The following NAALADL2 variants were observed in gnomAD, a reference collection of about 807,000 sequenced individuals.
The protein encoded by NAALADL2 is N-acetylated alpha-linked acidic dipeptidase like 2, also known as inactive N-acetylated-alpha-linked acidic dipeptidase-like protein 2.
In NAALADL2, 76 loss-of-function variants were observed where a neutral mutation model predicts 87.2. That is an observed-to-expected ratio of 0.87 (90% CI 0.72 to 1.05). The LOEUF (loss-of-function observed/expected upper bound fraction) is 1.05. Among genes scored for constraint, NAALADL2 ranks in the 50% least tolerant of loss-of-function variants. The pLI is 0.00. For synonymous variants in NAALADL2, 354 were observed against 331.0 expected (o/e 1.07, Z -0.75); for missense variants, 1,089 against 945.8 (o/e 1.15, Z -1.99).
intron 1 of NAALADL2, among the ~76,000 whole-genome samples, chr3:175,073,867 C>G (rs965293354): frequency 3.3e-5 from 5 of 152,070 alleles, no homozygotes; most frequent in African/African-American, 1.2e-4. Context: ...AAGAAAACCT[C>G]AGTTAGGACT....
At chr3:174,794,650 G>A (rs144350938) in intron 3 of NAALADL2, among the ~76,000 whole-genome samples, 1 of 152,090 alleles carries the variant, frequency 6.6e-6, no homozygotes, top group African/African-American at 2.4e-5. Context: ...TTCCCATGTG[G>A]AGCATACTAT....
intron 4 of NAALADL2, among the ~76,000 whole-genome samples, chr3:175,296,437 G>T (rs562069059): frequency 6.6e-6 from 1 of 152,184 alleles, no homozygotes; most frequent in African/African-American, 2.4e-5. Flanking sequence ...CAAATAAGAT[G>T]ATCTTAGGCA....
At chr3:174,560,698 CTT>C (rs1369392457) in intron 2 of NAALADL2, among the ~76,000 whole-genome samples, 1 of 152,008 alleles carries the variant, frequency 6.6e-6, no homozygotes, top group Non-Finnish European at 1.5e-5. Context: ...CTGTTAGAGA[CTT>C]TATTTATTTC....
At chr3:175,141,524 G>A (rs1729991216) in intron 2 of NAALADL2, among the ~76,000 whole-genome samples, 1 of 152,074 alleles carries the variant, frequency 6.6e-6, no homozygotes, top group Non-Finnish European at 1.5e-5. Flanking sequence ...GGCATCAGTA[G>A]CAAAGCTTGA....
intron 2 of NAALADL2, among the ~76,000 whole-genome samples, chr3:174,688,386 A>C (rs1458011492): frequency 6.7e-6 from 1 of 150,374 alleles, no homozygotes; most frequent in Non-Finnish European, 1.5e-5. Flanking sequence ...AGAAATTCTT[A>C]ATATTAAAAT....
intron 9 of NAALADL2, among the ~76,000 whole-genome samples, chr3:175,550,862 A>T (rs1190970447): frequency 6.6e-6 from 1 of 152,224 alleles, no homozygotes; most frequent in Non-Finnish European, 1.5e-5. Context: ...TGCCTAAAAC[A>T]TTTGGCTGAT....
At chr3:175,201,107 TG>T in intron 2 of NAALADL2, among the ~76,000 whole-genome samples, 1 of 152,304 alleles carries the variant, frequency 6.6e-6, no homozygotes, top group Admixed American at 6.5e-5. Context: ...ACAATGTTTT[TG>T]TTTTTTAAAT....
At chr3:175,751,657 T>C (rs371032686) in intron 12 of NAALADL2, among the ~76,000 whole-genome samples, 1 of 152,140 alleles carries the variant, frequency 6.6e-6, no homozygotes, top group African/African-American at 2.4e-5. Context: ...ATCCAGTCTT[T>C]GGTGTGTAAA....
intron 3 of NAALADL2, among the ~76,000 whole-genome samples, chr3:174,742,936 G>A (rs1456466589): frequency 2.0e-5 from 3 of 151,404 alleles, no homozygotes; most frequent in Non-Finnish European, 4.4e-5. Flanking sequence ...TTCACTCTTT[G>A]TGTTGCTCTG....
At chr3:175,217,552 C>G (rs1012637324) in intron 2 of NAALADL2, among the ~76,000 whole-genome samples, 1 of 152,122 alleles carries the variant, frequency 6.6e-6, no homozygotes, top group African/African-American at 2.4e-5. Context: ...AGAAGTAATA[C>G]TAAAGGTGGC....
intron 2 of NAALADL2, among the ~76,000 whole-genome samples, chr3:175,132,730 T>C (rs1222127958): frequency 9.7e-3 from 1,003 of 103,222 alleles, no homozygotes; most frequent in Middle Eastern, 0.062. Context: ...CCAGTAGGGG[T>C]GGCCGGGCAG....
chr3:175,361,298 G>A (rs1428044256), intron 5 of NAALADL2, among the ~76,000 whole-genome samples: 1 of 148,892 alleles, frequency 6.7e-6, no homozygotes, highest in Non-Finnish European at 1.5e-5. Context: ...CCAAGTCTTT[G>A]CTATTGTGAA....
chr3:175,045,568 A>T (rs1340050648), intron 1 of NAALADL2, among the ~76,000 whole-genome samples: 1 of 152,180 alleles, frequency 6.6e-6, no homozygotes, highest in Non-Finnish European at 1.5e-5. Flanking sequence ...AGTTTCATGA[A>T]TACTGGAAGA....
Position 175,694,530 on chromosome 3 carries a change from G to A in NAALADL2, c.1897-42776G>A, listed in dbSNP as rs563539967. ...GGTTGCTCATTCTTGTTATTTTCTT[G>A]GAAAAATTAATTTTGGGGGCATTCA... On this transcript the variant is annotated intron_variant, in intron 11 of 13. Transcript: ENST00000454872. Among the ~76,000 whole-genome samples, 4 of 152,056 alleles carry A rather than the reference G, an allele frequency of 2.6e-5. No individual in the cohort carries two copies. The East Asian group carries it at 7.8e-4, about 29-fold the overall frequency.
chr3:175,708,934 C>A (rs1363990113), intron 11 of NAALADL2, among the ~76,000 whole-genome samples: 1 of 151,896 alleles, frequency 6.6e-6, no homozygotes, highest in Non-Finnish European at 1.5e-5. Context: ...TGTACATTGT[C>A]TCCCCTAAAC....
chr3:175,345,405 C>T (rs1034746585), intron 5 of NAALADL2, among the ~76,000 whole-genome samples: 8 of 152,030 alleles, frequency 5.3e-5, no homozygotes, highest in Admixed American at 3.3e-4. Context: ...TTCTTTTTGA[C>T]ATCAGTTTTT....
intron 3 of NAALADL2, among the ~76,000 whole-genome samples, chr3:174,770,445 G>A (rs115883794): frequency 0.013 from 2,002 of 152,156 alleles, 47 homozygotes; most frequent in African/African-American, 0.047. Flanking sequence ...AGGTATGATT[G>A]GTAATCTTTT....
At chr3:174,519,427 C>T (rs1720131663) in intron 1 of NAALADL2, among the ~76,000 whole-genome samples, 1 of 149,436 alleles carries the variant, frequency 6.7e-6, no homozygotes. Flanking sequence ...TTCCTGGGTT[C>T]AAGTGATTCT....
At chr3:174,792,263 AGAAG>A (rs1374332972) in intron 3 of NAALADL2, among the ~76,000 whole-genome samples, 1 of 146,808 alleles carries the variant, frequency 6.8e-6, no homozygotes, top group Admixed American at 6.8e-5. Context: ...GAGGAAGGAA[AGAAG>A]GAAGGAAGGA....
Sources: gnomAD v4.1 joint callset for allele counts (sites outside exome capture counted in the v4.1 genomes callset) on GRCh38, gnomAD v4.1.1 for gene constraint, MANE v1.5 for transcripts, NCBI Gene and HGNC (gene_info 2026-07-23, HGNC 2026-07-21) for gene names.